RBFOX1: variants seen among roughly 807,000 people sequenced by gnomAD.
RBFOX1 encodes the protein RNA binding protein fox-1 homolog 1.
Under a neutral mutation model 57.7 loss-of-function variants are expected in RBFOX1, and 8 were observed. The observed-to-expected ratio is 0.14, with a 90% CI of 0.08 to 0.25. The LOEUF (loss-of-function observed/expected upper bound fraction) is 0.25. RBFOX1 is among the 10% of genes least tolerant of loss of function. RBFOX1 has a pLI of 1.00. For synonymous variants in RBFOX1, 326 were observed against 222.4 expected (o/e 1.47, Z -4.15); for missense variants, 611 against 548.5 (o/e 1.11, Z -1.14).
chr16:5,274,829 C>G (rs944316508), intron 1 of RBFOX1, among the ~76,000 whole-genome samples: 4 of 152,208 alleles, frequency 2.6e-5, no homozygotes, highest in African/African-American at 9.6e-5. Context: ...CCCTCTGTTT[C>G]CCTTTCTGCC....
intron 4 of RBFOX1, among the ~76,000 whole-genome samples, chr16:7,478,214 A>G (rs996018946): frequency 1.3e-5 from 2 of 152,222 alleles, no homozygotes; most frequent in African/African-American, 4.8e-5. Flanking sequence ...AAATGTTGCT[A>G]CCTTCATGTA....
intron 1 of RBFOX1, among the ~76,000 whole-genome samples, chr16:5,330,341 A>G (rs1464973812): frequency 1.3e-5 from 2 of 152,204 alleles, no homozygotes; most frequent in African/African-American, 2.4e-5. Context: ...TAGAATAAAA[A>G]TTATAAATTG....
intron 1 of RBFOX1, among the ~76,000 whole-genome samples, chr16:5,319,648 T>C (rs2064346254): frequency 6.6e-6 from 1 of 152,190 alleles, no homozygotes; most frequent in Non-Finnish European, 1.5e-5. Flanking sequence ...TTCAGTGTCA[T>C]ATATTAAGTT....
intron 1 of RBFOX1, among the ~76,000 whole-genome samples, chr16:5,320,039 T>C (rs1596507665): frequency 6.6e-6 from 1 of 152,222 alleles, no homozygotes; most frequent in Non-Finnish European, 1.5e-5. Context: ...AGTTTAGCTA[T>C]GTGCCCAGGA....
At chr16:7,193,309 G>C (rs1023429466) in intron 4 of RBFOX1, among the ~76,000 whole-genome samples, 2 of 152,182 alleles carry the variant, frequency 1.3e-5, no homozygotes, top group Admixed American at 1.3e-4. Context: ...GCTGCCGCTA[G>C]AGTCTAGAAA....
At chr16:6,899,842 C>A (rs551406069) in intron 3 of RBFOX1, among the ~76,000 whole-genome samples, 1 of 152,152 alleles carries the variant, frequency 6.6e-6, no homozygotes, top group Non-Finnish European at 1.5e-5. Context: ...AGGAGCATTT[C>A]GTTAGTAAAT....
At chr16:7,664,834 T>A (rs1449961990) in intron 12 of RBFOX1, 95 bp from the exon 13 acceptor site, 11 of 1,606,888 alleles carry the variant, frequency 6.8e-6, no homozygotes, top group Non-Finnish European at 9.4e-6. Flanking sequence ...TTTTGGATCT[T>A]GTGACCAGAC....
intron 2 of RBFOX1, among the ~76,000 whole-genome samples, chr16:5,562,882 A>T (rs556266921): frequency 6.6e-6 from 1 of 152,304 alleles, no homozygotes; most frequent in South Asian, 2.1e-4. Flanking sequence ...TATTGGCTTC[A>T]TACTGCCGCT....
chr16:7,183,629 G>A (rs2083162486), intron 4 of RBFOX1, among the ~76,000 whole-genome samples: 1 of 152,052 alleles, frequency 6.6e-6, no homozygotes, highest in African/African-American at 2.4e-5. Context: ...AATCTCTTAG[G>A]GTCCCGAAGC....
intron 2 of RBFOX1, among the ~76,000 whole-genome samples, chr16:6,343,939 G>T (rs1475300557): frequency 6.6e-6 from 1 of 152,154 alleles, no homozygotes; most frequent in Admixed American, 6.5e-5. Context: ...ACGAGTCTCT[G>T]GCTGTTACAA....
chr16:7,112,281 C>G (rs2064943384), intron 4 of RBFOX1, among the ~76,000 whole-genome samples: 1 of 152,086 alleles, frequency 6.6e-6, no homozygotes, highest in Non-Finnish European at 1.5e-5. Flanking sequence ...CGGCTCACTG[C>G]AACCTCCACC....
intron 3 of RBFOX1, among the ~76,000 whole-genome samples, chr16:5,845,978 G>C (rs770061364): frequency 5.3e-5 from 8 of 152,134 alleles, no homozygotes; most frequent in African/African-American, 1.9e-4. Context: ...TTCAAGACCA[G>C]CTTGGCCAAG....
intron 3 of RBFOX1, among the ~76,000 whole-genome samples, chr16:6,658,211 CTG>C (rs1483098172): frequency 2.0e-5 from 3 of 151,860 alleles, no homozygotes; most frequent in Admixed American, 6.6e-5. Context: ...AGAAGATAAA[CTG>C]TGAATTTCAA....
intron 4 of RBFOX1, among the ~76,000 whole-genome samples, chr16:7,460,802 G>T (rs923848500): frequency 1.3e-5 from 2 of 152,070 alleles, no homozygotes; most frequent in African/African-American, 4.8e-5. Flanking sequence ...GAAATTATTA[G>T]GTTCCCAAAA....
At chr16:5,318,995 C>T (rs1323782612) in intron 1 of RBFOX1, among the ~76,000 whole-genome samples, 3 of 152,064 alleles carry the variant, frequency 2.0e-5, no homozygotes, top group South Asian at 4.2e-4. Context: ...GGCATGGTGG[C>T]GTGCGCCTGT....
chr16:6,995,982 C>T (rs951149564), intron 3 of RBFOX1, among the ~76,000 whole-genome samples: 11 of 152,132 alleles, frequency 7.2e-5, no homozygotes, highest in African/African-American at 1.4e-4. Flanking sequence ...TACTTTTTCC[C>T]ATTGGAAGTA....
rs185837182 is a variant in RBFOX1, at chr16:7,455,438, C to T, written c.28-62709C>T. Among the ~76,000 whole-genome samples, 659 of 152,080 alleles carry T rather than the reference C, an allele frequency of 4.3e-3. 4 individuals are homozygous for T. Among genetic ancestry groups the T allele is most frequent in the African/African-American group, 0.015 (633 of 41,464 alleles). Reference sequence around the variant, plus strand: ...ATATAACAGCTCCCAGAGTTGTTTGCAAGAAAATATTAAATATTTACATAG... The same window carrying T: ...ATATAACAGCTCCCAGAGTTGTTTGTAAGAAAATATTAAATATTTACATAG... On this transcript the variant is annotated intron_variant, in intron 4 of 15. Transcript: ENST00000550418.
chr16:6,894,953 T>G (rs1296756924), intron 3 of RBFOX1, among the ~76,000 whole-genome samples: 1 of 152,152 alleles, frequency 6.6e-6, no homozygotes, highest in Non-Finnish European at 1.5e-5. Flanking sequence ...TATCTAGAAT[T>G]TGCAACATAC....
chr16:6,965,685 A>G (rs754727607), intron 3 of RBFOX1, among the ~76,000 whole-genome samples: 1 of 152,206 alleles, frequency 6.6e-6, no homozygotes, highest in African/African-American at 2.4e-5. Context: ...TCCAGTGACT[A>G]TATTATCTGA....
Sources: gnomAD v4.1 joint callset for allele counts (sites outside exome capture counted in the v4.1 genomes callset) on GRCh38, gnomAD v4.1.1 for gene constraint, MANE v1.5 for transcripts, NCBI Gene and HGNC (gene_info 2026-07-23, HGNC 2026-07-21) for gene names.